RGS11: variants seen among roughly 807,000 people sequenced by gnomAD.
The protein encoded by RGS11 is regulator of G protein signaling 11.
In RGS11, 86 loss-of-function variants were observed where a neutral mutation model predicts 71.1. That is an observed-to-expected ratio of 1.21 (90% CI 1.02 to 1.45). RGS11 has a LOEUF of 1.45. Among genes scored for constraint, RGS11 ranks in the 40% most tolerant of loss-of-function variants. The pLI, the probability that RGS11 is intolerant of heterozygous loss-of-function variation, is 0.00. For synonymous variants in RGS11, 298 were observed against 254.2 expected (o/e 1.17, Z -1.64); for missense variants, 734 against 635.1 (o/e 1.16, Z -1.67).
chr16:275,511 AGTC>A lies in RGS11; in HGVS notation c.64-16_64-14del. ...CCACCCGCTCCATCTGGGCGGAGGG[AGTC>A]GTCAGGGGGTGTCTGGCCGCCCCGC... On this transcript the variant is annotated splice_polypyrimidine_tract_variant and intron_variant, in intron 1 of 16. Coordinates refer to ENST00000397770, the MANE Select transcript of RGS11 (RefSeq NM_183337.3). 1 of 1,548,212 alleles carries A rather than the reference AGTC, an allele frequency of 6.5e-7. No individual in the cohort carries two copies. Among genetic ancestry groups the A allele is most frequent in the Non-Finnish European group, 8.7e-7 (1 of 1,152,394 alleles).
intron 16 of RGS11, 51 bp downstream of exon 16, chr16:269,452 C>A (rs1399086976): frequency 6.3e-7 from 1 of 1,598,706 alleles, no homozygotes; most frequent in Admixed American, 1.7e-5. Context: ...TGCAGGGCCC[C>A]AGCAGCCCCC....
At chr16:275,738 G>A (rs1300349697) in intron 1 of RGS11, 111 bp downstream of exon 1, 4 of 357,284 alleles carry the variant, frequency 1.1e-5, no homozygotes, top group Non-Finnish European at 1.8e-5. Context: ...GCAGACCTCC[G>A]CCCCAGGCCC....
chr16:272,118 G>C lies in RGS11; in HGVS notation c.658-549C>G, dbSNP rs1307842722. On this transcript the variant is annotated intron_variant, in intron 9 of 16. Coordinates refer to ENST00000397770, the MANE Select transcript of RGS11 (RefSeq NM_183337.3). ...CCCAAAGTGCTGGGATTAGAGACGT[G>C]AGCCACCGCGCCCGGCCTAATATGT... 4 of 1,127,708 alleles carry C rather than the reference G, an allele frequency of 3.5e-6. No individual in the cohort carries two copies. In the African/African-American group the frequency reaches 4.9e-5, roughly 14 times the overall value. 69.9% of individuals were successfully genotyped at this position (1,127,708 alleles called of 1,614,324 possible). A position where few individuals can be genotyped will look rare whatever the true frequency, so the allele number is the denominator to read the frequency against.
intron 15 of RGS11, 116 bp from the exon 16 acceptor site, chr16:269,701 G>A (rs569317869): frequency 4.8e-5 from 40 of 831,496 alleles, no homozygotes; most frequent in Admixed American, 1.2e-4. Flanking sequence ...AGTCTCCGGC[G>A]GACAGGGTGC....
intron 9 of RGS11, chr16:272,498 G>A: frequency 7.4e-7 from 1 of 1,357,322 alleles, no homozygotes; most frequent in Non-Finnish European, 9.7e-7. Flanking sequence ...CCTCCACCTG[G>A]AGGGAGGTTG....
At chr16:274,873 C>T (rs745470540) in intron 4 of RGS11, 103 bp downstream of exon 4, 8 of 1,464,900 alleles carry the variant, frequency 5.5e-6, no homozygotes, top group African/African-American at 2.9e-5. Flanking sequence ...AGTCCCACTC[C>T]AATCCCAGCA....
Position 275,442 on chromosome 16 carries a change from G to T in RGS11, c.120C>A (p.Ser40Arg). Reference protein sequence around the residue: ...QDPDQGVKMRSQRLLVTVIPH... With the variant: ...QDPDQGVKMRRQRLLVTVIPH... ...GAATGACGGTGACCAGCAGGCGCTG[G>T]CTCCGCATCTTCACGCCCTGGTCGG... The change falls in exon 2 of 17, where the codon AGC (serine) becomes AGA (arginine). Residue 40 changes from serine to arginine, a missense_variant. Transcript: ENST00000397770. 6.3e-7 allele frequency: 1 copy of T among 1,599,434 alleles called. No individual in the cohort carries two copies. The highest frequency in any genetic ancestry group is 8.5e-7 in the Non-Finnish European group (1 of 1,178,612).
At position 269,126 on chromosome 16, in the gene RGS11, C is replaced by T; in HGVS notation, c.*143G>A. On this transcript the variant is annotated 3_prime_UTR_variant, in exon 17 of 17. Coordinates refer to ENST00000397770, the MANE Select transcript of RGS11 (RefSeq NM_183337.3). ...GGAGGGAGGGAGGCTGTGCACCCCA[C>T]AGAAGACTGGGCCCCCTGGGCACAA... 2 of 901,210 alleles carry T rather than the reference C, an allele frequency of 2.2e-6. No individual in the cohort carries two copies. The highest frequency in any genetic ancestry group is 1.8e-6 in the Non-Finnish European group (1 of 559,030). 55.8% of individuals were successfully genotyped at this position (901,210 alleles called of 1,614,324 possible). A position where few individuals can be genotyped will look rare whatever the true frequency, so the allele number is the denominator to read the frequency against.
At chr16:274,146 C>A in intron 5 of RGS11, 45 bp from the exon 6 acceptor site, 1 of 1,573,286 alleles carries the variant, frequency 6.4e-7, no homozygotes, top group Non-Finnish European at 8.6e-7. Flanking sequence ...CTCTGCCCTG[C>A]CTCACGGCAT....
intron 15 of RGS11, 188 bp from the exon 16 acceptor site, chr16:269,773 T>G (rs1273393719): frequency 1.7e-6 from 1 of 572,276 alleles, no homozygotes; most frequent in Non-Finnish European, 3.1e-6. Context: ...TGGGCTCCCG[T>G]CTGCCTGGGC....
intron 13 of RGS11, 76 bp downstream of exon 13, chr16:270,908 G>T: frequency 6.3e-7 from 1 of 1,577,784 alleles, no homozygotes; most frequent in South Asian, 1.1e-5. Flanking sequence ...CAGGGAGCTG[G>T]TGGAAACCGA....
In RGS11 at chr16:274,314, C is replaced by A; in HGVS notation, c.319-49G>T. ...GTCCAGGACGCCTGCGTCTGTGCCT[C>A]CCCAGTGTCACCCCACCCTCAGACC... is the stretch of plus-strand genomic sequence containing the variant. On this transcript the variant is annotated intron_variant, in intron 4 of 16. Transcript: ENST00000397770. 2 of 1,569,716 alleles carry A rather than the reference C, an allele frequency of 1.3e-6. 1 individual carries two copies. Among genetic ancestry groups the A allele is most frequent in the South Asian group, 2.3e-5 (2 of 86,050 alleles).
chr16:273,446 AC>A, intron 8 of RGS11, 28 bp downstream of exon 8: 1 of 1,521,808 alleles, frequency 6.6e-7, no homozygotes. Context: ...CTGGCCAGCG[AC>A]CCCCACCCTC....
At chr16:273,034 A>T in intron 8 of RGS11, 103 bp from the exon 9 acceptor site, 1 of 1,121,404 alleles carries the variant, frequency 8.9e-7, no homozygotes, top group Non-Finnish European at 1.2e-6. Flanking sequence ...ACTGACACTC[A>T]AAGGAACTCG....
In RGS11 at chr16:274,990, G is replaced by T. The variant is rs752054158; in HGVS notation, c.304C>A (p.Pro102Thr). The T allele has an allele frequency of 1.3e-6, 2 of 1,540,950 alleles. No individual in the cohort carries two copies. Among genetic ancestry groups the T allele is most frequent in the Admixed American group, 3.9e-5 (2 of 51,020 alleles). Residue 102 changes from proline to threonine, a missense_variant, in exon 4 of 17, where the codon CCC becomes ACC. Coordinates refer to ENST00000397770, the MANE Select transcript of RGS11 (RefSeq NM_183337.3). ...CCGAGCCTGACCTGGAACCTGTAGG[G>T]CGTCTCGTCTGGCCGGAGCATGAGG... ...RSLMLRPDETPYRFQTPYFWT... is the reference protein window; with the variant it reads ...RSLMLRPDETTYRFQTPYFWT...
At position 270,573 on chromosome 16, in the gene RGS11, G is replaced by T; in HGVS notation, c.1156C>A (p.Arg386Ser). 1 of 1,608,726 alleles carries T rather than the reference G, an allele frequency of 6.2e-7. No individual in the cohort carries two copies. The highest frequency in any genetic ancestry group is 8.5e-7 in the Non-Finnish European group (1 of 1,178,112). Residue 386 changes from arginine to serine, a missense_variant, in exon 15 of 17, where the codon CGC becomes AGC. Transcript: ENST00000397770. Reference protein sequence around the residue: ...QTLEGLRQPHRYVLDDAQLHI... With the variant: ...QTLEGLRQPHSYVLDDAQLHI... The stretch of plus-strand genomic sequence containing the variant: ...AGCTGGGCGTCATCCAGGACATAGC[G>T]GTGGGGCTGGCGCAGCCCCTCCAGG...
chr16:271,848 AT>A (rs2051955954), intron 9 of RGS11: 3 of 522,122 alleles, frequency 5.7e-6, no homozygotes, highest in South Asian at 2.5e-5. Context: ...TTTCTTTATT[AT>A]TTTTTTGAGA....
intron 14 of RGS11, 24 bp from the exon 15 acceptor site, chr16:270,685 T>C (rs1327822029): frequency 3.1e-6 from 5 of 1,609,674 alleles, no homozygotes; most frequent in Middle Eastern, 1.7e-4. Flanking sequence ...CAGCACTGGG[T>C]AGTCTCGGCT....
At chr16:272,510 T>G (rs2051984444) in intron 9 of RGS11, 1 of 1,370,798 alleles carries the variant, frequency 7.3e-7, no homozygotes, top group Non-Finnish European at 9.6e-7. Flanking sequence ...GGGAGGTTGC[T>G]GGATCTGCTG....
Sources: allele counts gnomAD v4.1 joint callset, GRCh38; gene constraint gnomAD v4.1.1; transcripts MANE v1.5; gene names NCBI Gene and HGNC (gene_info 2026-07-23, HGNC 2026-07-21).